NLRP2: variants seen among roughly 807,000 people sequenced by gnomAD.
NLRP2 encodes NLR family pyrin domain containing 2.
A neutral mutation model predicts 97.2 loss-of-function variants in NLRP2; 107 were observed. That is an observed-to-expected ratio of 1.10 (90% CI 0.94 to 1.29). The LOEUF is 1.29. Among genes scored for constraint, NLRP2 ranks in the 50% most tolerant of loss-of-function variants. NLRP2 has a pLI of 0.00. For missense variants in NLRP2, 1,495 were observed against 1,330.3 expected, an observed-to-expected ratio of 1.12 and a Z score of -1.93; for synonymous variants, 663 against 551.5, an observed-to-expected ratio of 1.20 and a Z score of -2.83.
intron 2 of NLRP2, among the ~76,000 whole-genome samples, chr19:54,971,248 T>C (rs1435307757): frequency 6.6e-6 from 1 of 150,384 alleles, no homozygotes; most frequent in Non-Finnish European, 1.5e-5. Context: ...TGGTTCCAAG[T>C]CTTTGCTATT....
At chr19:54,994,652 A>G (rs890041470) in intron 11 of NLRP2, among the ~76,000 whole-genome samples, 4 of 151,620 alleles carry the variant, frequency 2.6e-5, no homozygotes, top group African/African-American at 9.7e-5. Flanking sequence ...CTCTTGTCAC[A>G]TAGGCTGGAG....
At chr19:54,997,722 T>TG (rs1246526065) in intron 12 of NLRP2, among the ~76,000 whole-genome samples, 1 of 151,684 alleles carries the variant, frequency 6.6e-6, no homozygotes, top group Non-Finnish European at 1.5e-5. Context: ...CCCAAAGTGC[T>TG]GGGATTACAG....
intron 11 of NLRP2, among the ~76,000 whole-genome samples, chr19:54,996,765 G>C (rs1021277589): frequency 2.0e-5 from 3 of 151,462 alleles, no homozygotes; most frequent in Non-Finnish European, 4.4e-5. Context: ...ACTCCCCCCC[G>C]AGCTCTATGA....
rs1462914182 is a variant in NLRP2, at chr19:54,982,193, G to A, written c.495G>A (p.Lys165=). ...ACAATAGGTGCAGGTATATATTGAA[G>A]ACGAAGTTCCGGGAGATGTGGAAGA... ...DKDNRCRYIL[K]TKFREMWKSW... Residue 165 remains lysine, a synonymous_variant, in exon 6 of 13, where the codon AAG becomes AAA. Coordinates refer to ENST00000448584, the MANE Select transcript of NLRP2 (RefSeq NM_017852.5). 1.2e-6 allele frequency: 2 copies of A among 1,614,126 alleles called. No individual in the cohort carries two copies. The highest frequency in any genetic ancestry group is 2.2e-5 in the East Asian group (1 of 44,888).
chr19:54,985,677 C>CAAAAAAAAAAA (rs113852885), intron 7 of NLRP2, among the ~76,000 whole-genome samples: 1 of 68,016 alleles, frequency 1.5e-5, no homozygotes, highest in Non-Finnish European at 3.3e-5. Flanking sequence ...GACTGCGTCT[C>CAAAAAAAAAAA]AAAAAAAAAA....
intron 10 of NLRP2, among the ~76,000 whole-genome samples, chr19:54,992,599 C>G (rs1202070857): frequency 8.9e-6 from 1 of 112,114 alleles, no homozygotes; most frequent in Non-Finnish European, 1.7e-5. Flanking sequence ...TAGTCTTGCT[C>G]TGTCGCCCAG....
chr19:54,974,485 CT>C lies in NLRP2; in HGVS notation c.281-13del, dbSNP rs769602960. On this transcript the variant is annotated splice_polypyrimidine_tract_variant and intron_variant, in intron 2 of 12. Transcript: ENST00000448584. ...ATGGTAAAATGCAAAATTTTCCCCCCTTCTCCTTTTTCAGAAGCAGCTTTGA... is the reference window on the plus strand; with the variant it reads ...ATGGTAAAATGCAAAATTTTCCCCCCTCTCCTTTTTCAGAAGCAGCTTTGA... 230 of 1,609,568 alleles carry C rather than the reference CT, an allele frequency of 1.4e-4. No individual in the cohort carries two copies. Among genetic ancestry groups the C allele is most frequent in the Admixed American group, 6.8e-4 (41 of 59,986 alleles).
At chr19:54,996,533 CCT>C (rs1414341770) in intron 11 of NLRP2, among the ~76,000 whole-genome samples, 9 of 152,058 alleles carry the variant, frequency 5.9e-5, no homozygotes, top group Non-Finnish European at 1.2e-4. Context: ...AGTTATTTAA[CCT>C]CTCTGCTCAA....
At chr19:54,976,861 C>CTGAA (rs1217518516) in intron 3 of NLRP2, 3 of 370,790 alleles carry the variant, frequency 8.1e-6, no homozygotes, top group South Asian at 5.5e-5. Context: ...TTTTGCCAGG[C>CTGAA]TGAAGTGCAG....
At chr19:54,987,743 A>C (rs894266416) in intron 8 of NLRP2, among the ~76,000 whole-genome samples, 16 of 144,320 alleles carry the variant, frequency 1.1e-4, no homozygotes, top group Non-Finnish European at 2.4e-4. Flanking sequence ...CTGTCTCAAA[A>C]AAAAAAAAAA....
In NLRP2 at chr19:54,972,132, G is replaced by A. The variant is rs146178109; in HGVS notation, c.280+1837G>A. Among the ~76,000 whole-genome samples, 55 of 148,066 alleles carry A rather than the reference G, an allele frequency of 3.7e-4. 1 individual carries two copies. The East Asian group carries it at 8.3e-3, about 22-fold the overall frequency. On this transcript the variant is annotated intron_variant, in intron 2 of 12. Coordinates refer to ENST00000448584, the MANE Select transcript of NLRP2 (RefSeq NM_017852.5). ...GTTGGGATTACAGGCGTGAGCCACC[G>A]CACCCAGCCAGCAAGTGCATTTAGA...
At chr19:54,975,101 G>GTTTTT (rs1190231820) in intron 3 of NLRP2, among the ~76,000 whole-genome samples, 16 of 83,086 alleles carry the variant, frequency 1.9e-4, no homozygotes, top group Admixed American at 4.8e-4. Flanking sequence ...ACCACACCCG[G>GTTTTT]TTTTGTTTTT....
intron 2 of NLRP2, among the ~76,000 whole-genome samples, chr19:54,973,175 C>T (rs1174358143): frequency 6.7e-6 from 1 of 149,134 alleles, no homozygotes; most frequent in African/African-American, 2.5e-5. Flanking sequence ...TGGGTGACAG[C>T]AAGACTCCAT....
rs762268831 is a variant in NLRP2 at position 54,974,550 on chromosome 19, T to A, written c.325+6T>A. The A allele has an allele frequency of 6.4e-7, 1 of 1,564,262 alleles. No individual in the cohort carries two copies. Among genetic ancestry groups the A allele is most frequent in the Non-Finnish European group, 8.8e-7 (1 of 1,134,558 alleles). ...AAGGAAGCCTCTATCATTAGGTAAGTTACCTCATTTATAACTTTTATTCTT... is the reference window on the plus strand; with the variant it reads ...AAGGAAGCCTCTATCATTAGGTAAGATACCTCATTTATAACTTTTATTCTT... On this transcript the variant is annotated splice_donor_region_variant and intron_variant, in intron 3 of 12. Transcript: ENST00000448584.
At chr19:54,971,899 G>T (rs1465084648) in intron 2 of NLRP2, among the ~76,000 whole-genome samples, 1 of 151,958 alleles carries the variant, frequency 6.6e-6, no homozygotes. Context: ...CACGATCTCG[G>T]CTCACTGCAA....
At chr19:54,970,664 A>G (rs2070786467) in intron 2 of NLRP2, among the ~76,000 whole-genome samples, 1 of 151,856 alleles carries the variant, frequency 6.6e-6, no homozygotes, top group African/African-American at 2.4e-5. Context: ...CTCAAAAAAA[A>G]AAAGAAATGG....
intron 11 of NLRP2, among the ~76,000 whole-genome samples, chr19:54,995,383 G>A (rs2072752898): frequency 6.6e-6 from 1 of 151,346 alleles, no homozygotes; most frequent in East Asian, 2.0e-4. Flanking sequence ...GTATAGACGG[G>A]GTTTCTCCAT....
intron 8 of NLRP2, among the ~76,000 whole-genome samples, chr19:54,986,850 A>G (rs2072124689): frequency 6.7e-6 from 1 of 150,152 alleles, no homozygotes; most frequent in Non-Finnish European, 1.5e-5. Context: ...GCCCAGCCAG[A>G]GTCCTTATGT....
At chr19:54,985,677 C>CAAAAAAAAAAAAAA (rs113852885) in intron 7 of NLRP2, among the ~76,000 whole-genome samples, 12 of 67,932 alleles carry the variant, frequency 1.8e-4, no homozygotes, top group East Asian at 4.4e-4. Flanking sequence ...GACTGCGTCT[C>CAAAAAAAAAAAAAA]AAAAAAAAAA....
Sources: allele counts gnomAD v4.1 joint callset (sites outside exome capture counted in the v4.1 genomes callset), GRCh38; gene constraint gnomAD v4.1.1; transcripts MANE v1.5; gene names NCBI Gene and HGNC (gene_info 2026-07-23, HGNC 2026-07-21).